Variants in VPS13A observed in about 807,000 individuals in gnomAD.
VPS13A encodes vacuolar protein sorting 13 homolog A, also known as intermembrane lipid transfer protein VPS13A.
Under a neutral mutation model 390.9 loss-of-function variants are expected in VPS13A, and 264 were observed. The observed-to-expected ratio is 0.68, with a 90% CI of 0.61 to 0.75. The LOEUF (loss-of-function observed/expected upper bound fraction) is 0.75. Ranked by LOEUF, VPS13A falls within the 30% of genes least tolerant of loss-of-function variation. VPS13A has a pLI of 0.00. For missense variants in VPS13A, 3,409 were observed against 3,733.9 expected, an observed-to-expected ratio of 0.91 and a Z score of 2.27; for synonymous variants, 1,231 against 1,227.1, an observed-to-expected ratio of 1.00 and a Z score of -0.07.
chr9:77,397,616 G>C (rs890875583), intron 68 of VPS13A, among the ~76,000 whole-genome samples: 1 of 152,172 alleles, frequency 6.6e-6, no homozygotes, highest in Non-Finnish European at 1.5e-5. Flanking sequence ...AGTGTTAGAA[G>C]TGTCTCTGTT....
intron 52 of VPS13A, among the ~76,000 whole-genome samples, chr9:77,346,821 CAAAA>C (rs1168857424): frequency 2.6e-5 from 4 of 152,154 alleles, no homozygotes; most frequent in Non-Finnish European, 4.4e-5. Context: ...AATCTGGAAA[CAAAA>C]GAGCTAAAAG....
intron 67 of VPS13A, among the ~76,000 whole-genome samples, chr9:77,374,761 T>C (rs1832979430): frequency 6.6e-6 from 1 of 152,180 alleles, no homozygotes; most frequent in Non-Finnish European, 1.5e-5. Flanking sequence ...AATTTAGTAG[T>C]TTCTTTATTG....
chr9:77,416,140 A>T lies in VPS13A; in HGVS notation c.*134A>T. The T allele has an allele frequency of 9.6e-7, 1 of 1,040,296 alleles. No individual in the cohort carries two copies. The highest frequency in any genetic ancestry group is 1.4e-6 in the Non-Finnish European group (1 of 697,624). The allele number at this position is 1,040,296 out of a possible 1,614,324, so 64.4% of individuals were successfully genotyped here. A position where few individuals can be genotyped will look rare whatever the true frequency, so the allele number is the denominator to read the frequency against. ...ATTCTGGATGCTAAAAAACAAAAACAAACAAAAAAACAAAAACAAAAAAAC... is the reference window on the plus strand; with the variant it reads ...ATTCTGGATGCTAAAAAACAAAAACTAACAAAAAAACAAAAACAAAAAAAC... On this transcript the variant is annotated 3_prime_UTR_variant, in exon 72 of 72. Coordinates refer to ENST00000360280, the MANE Select transcript of VPS13A (RefSeq NM_033305.3).
chr9:77,231,326 A>G (rs1564649088), intron 17 of VPS13A, among the ~76,000 whole-genome samples: 1 of 152,150 alleles, frequency 6.6e-6, no homozygotes, highest in African/African-American at 2.4e-5. Flanking sequence ...GGAAGTGTTC[A>G]TCCTTTCACC....
intron 34 of VPS13A, among the ~76,000 whole-genome samples, chr9:77,304,661 T>G (rs886976309): frequency 6.6e-6 from 1 of 152,228 alleles, no homozygotes; most frequent in Non-Finnish European, 1.5e-5. Flanking sequence ...ATGGCAAATG[T>G]GTCACCACCT....
chr9:77,230,106 A>G (rs887705056), intron 17 of VPS13A, among the ~76,000 whole-genome samples: 1 of 151,362 alleles, frequency 6.6e-6, no homozygotes, highest in African/African-American at 2.4e-5. Flanking sequence ...TTTTTTTCCT[A>G]TTTTATGTTG....
At chr9:77,403,483 G>C (rs573892734) in intron 69 of VPS13A, among the ~76,000 whole-genome samples, 162 bp downstream of exon 69, 4 of 152,220 alleles carry the variant, frequency 2.6e-5, no homozygotes, top group African/African-American at 9.6e-5. Context: ...TAAATTTCCT[G>C]CATAGCTTTG....
chr9:77,207,425 T>C (rs1825745625), intron 5 of VPS13A, among the ~76,000 whole-genome samples: 1 of 150,532 alleles, frequency 6.6e-6, no homozygotes. Context: ...CCTTTTATGA[T>C]GTACTATGAA....
intron 1 of VPS13A, among the ~76,000 whole-genome samples, chr9:77,183,827 G>A: frequency 6.6e-6 from 1 of 152,224 alleles, no homozygotes. Flanking sequence ...ATGGGAAACA[G>A]TCCAAGTATC....
chr9:77,407,606 G>C lies in VPS13A; in HGVS notation c.9473G>C (p.Arg3158Thr), dbSNP rs141943242. ...AACTTCAAGACCCCAGAGGATGCCA[G>C]GGTAAATATAATAAATCTTTTATTT... ...IINFKTPEDA[R>T]WILTKLQEAR... Residue 3158 changes from arginine (R) to threonine (T), a missense_variant and splice_region_variant, in exon 71 of 72, where the codon AGG becomes ACG. This residue lies in a region of VPS13A where 318 missense variants were observed against 333.7 expected (regional missense o/e 0.95). Transcript: ENST00000360280. 18 of 1,607,920 alleles carry C rather than the reference G, an allele frequency of 1.1e-5. No homozygotes were observed. Among genetic ancestry groups the C allele is most frequent in the Non-Finnish European group, 1.5e-5 (18 of 1,174,862 alleles).
At chr9:77,293,004 A>G (rs1217504763) in intron 31 of VPS13A, among the ~76,000 whole-genome samples, 13 of 152,142 alleles carry the variant, frequency 8.5e-5, no homozygotes, top group Admixed American at 8.5e-4. Flanking sequence ...CAAGAAATAC[A>G]TGGTTACTCT....
chr9:77,226,012 TAA>T (rs1300322168), intron 14 of VPS13A, 24 bp downstream of exon 14: 1 of 1,580,940 alleles, frequency 6.3e-7, no homozygotes, highest in Admixed American at 1.7e-5. Context: ...TTTCAATTAG[TAA>T]AAATAATTCT....
intron 27 of VPS13A, 48 bp downstream of exon 27, chr9:77,280,286 A>G (rs1269246087): frequency 2.0e-6 from 3 of 1,468,396 alleles, no homozygotes; most frequent in African/African-American, 1.4e-5. Flanking sequence ...TATGCTGCTG[A>G]AATGTTAAGT....
At chr9:77,315,596 T>C in intron 38 of VPS13A, 126 bp downstream of exon 38, 1 of 993,534 alleles carries the variant, frequency 1.0e-6, no homozygotes, top group East Asian at 2.6e-5. Context: ...TTTTTCAGAG[T>C]AGAAGGAAAA....
intron 59 of VPS13A, among the ~76,000 whole-genome samples, 198 bp downstream of exon 59, chr9:77,360,839 G>T (rs1028165631): frequency 6.6e-6 from 1 of 151,944 alleles, no homozygotes; most frequent in Admixed American, 6.6e-5. Flanking sequence ...GAAAGGCTTG[G>T]GGTGAATAGC....
At chr9:77,319,336 T>C (rs1417954286) in intron 41 of VPS13A, among the ~76,000 whole-genome samples, 1 of 152,012 alleles carries the variant, frequency 6.6e-6, no homozygotes, top group African/African-American at 2.4e-5. Flanking sequence ...CTTATACTTT[T>C]ATGTAATGTA....
At chr9:77,341,117 C>T (rs1587619583) in intron 50 of VPS13A, among the ~76,000 whole-genome samples, 2 of 152,032 alleles carry the variant, frequency 1.3e-5, no homozygotes, top group Admixed American at 6.6e-5. Flanking sequence ...CATACAAAAC[C>T]GTCCTTGTTG....
chr9:77,207,763 G>T (rs1203272796), intron 5 of VPS13A, among the ~76,000 whole-genome samples: 1 of 152,084 alleles, frequency 6.6e-6, no homozygotes, highest in Non-Finnish European at 1.5e-5. Context: ...ATCAGTTCTT[G>T]TGTTATCTTC....
chr9:77,201,511 A>G, intron 3 of VPS13A, 104 bp downstream of exon 3: 1 of 1,015,228 alleles, frequency 9.9e-7, no homozygotes. Context: ...TCTGAGCATC[A>G]ATTAAAAATA....
Sources: gnomAD v4.1 joint callset for allele counts (sites outside exome capture counted in the v4.1 genomes callset) on GRCh38, gnomAD v4.1.1 for gene constraint, gnomAD v4.1.1 regional missense constraint, MANE v1.5 for transcripts, NCBI Gene and HGNC (gene_info 2026-07-23, HGNC 2026-07-21) for gene names.